The following NDST3 variants were observed in gnomAD, a reference collection of about 807,000 sequenced individuals.
NDST3 encodes bifunctional heparan sulfate N-deacetylase/N-sulfotransferase 3.
In NDST3, 58 loss-of-function variants were observed where a neutral mutation model predicts 96.1. That is an observed-to-expected ratio of 0.60 (90% CI 0.49 to 0.75). The LOEUF (loss-of-function observed/expected upper bound fraction) is 0.75, where lower values mean the gene tolerates loss of function less well. Ranked by LOEUF, NDST3 falls within the 30% of genes least tolerant of loss-of-function variation. The probability of loss-of-function intolerance (pLI) is 0.00; values close to 1 mark genes in which losing one functional copy is unlikely to be tolerated. For synonymous variants in NDST3, 333 were observed against 359.7 expected, an observed-to-expected ratio of 0.93 and a Z score of 0.84; for missense variants, 788 against 1,034.2, an observed-to-expected ratio of 0.76 and a Z score of 3.27.
intron 6 of NDST3, among the ~76,000 whole-genome samples, chr4:118,183,014 C>CCAAA (rs759383568): frequency 5.3e-5 from 8 of 152,094 alleles, no homozygotes; most frequent in Non-Finnish European, 8.8e-5. Flanking sequence ...ACTACTCATA[C>CCAAA]CAAACAAACA....
intron 6 of NDST3, among the ~76,000 whole-genome samples, chr4:118,197,771 GT>G (rs1317556659): frequency 4.2e-5 from 6 of 141,804 alleles, no homozygotes; most frequent in African/African-American, 1.5e-4. Context: ...GGTGTGTTTT[GT>G]TTTGTTTTTT....
chr4:118,221,992 T>TAA (rs200927146), intron 6 of NDST3, among the ~76,000 whole-genome samples: 3 of 142,012 alleles, frequency 2.1e-5, no homozygotes, highest in Non-Finnish European at 4.6e-5. Context: ...ATTTTCCATC[T>TAA]AAAAAAAAAA....
chr4:118,074,432 G>C (rs546319465), intron 2 of NDST3, among the ~76,000 whole-genome samples: 1 of 152,112 alleles, frequency 6.6e-6, no homozygotes, highest in Non-Finnish European at 1.5e-5. Context: ...GTGCTCTACT[G>C]TTAGATGCAA....
At chr4:118,109,021 C>A (rs747916230) in intron 3 of NDST3, among the ~76,000 whole-genome samples, 8 of 152,102 alleles carry the variant, frequency 5.3e-5, no homozygotes, top group Non-Finnish European at 8.8e-5. Flanking sequence ...AGTTCTTCTA[C>A]CTTGGCAATA....
In NDST3 at chr4:118,144,790, T is replaced by C. The variant is rs917816404; in HGVS notation, c.1539+1106T>C. Among the ~76,000 whole-genome samples, 4 of 152,206 alleles carry C rather than the reference T, an allele frequency of 2.6e-5. No homozygotes were observed. The East Asian group carries it at 7.7e-4, about 29-fold the overall frequency. ...TGAAAAAAGTTGGATAGGGATAAAT[T>C]GAATAAAATTTGCAAAACCCCTCTC... On this transcript the variant is annotated intron_variant, in intron 6 of 13. Coordinates refer to ENST00000296499, the MANE Select transcript of NDST3 (RefSeq NM_004784.3).
At chr4:118,254,774 A>C (rs920768647) in intron 13 of NDST3, among the ~76,000 whole-genome samples, 3 of 152,196 alleles carry the variant, frequency 2.0e-5, no homozygotes, top group African/African-American at 7.2e-5. Context: ...AGGTGGGCTA[A>C]ACTTATTAGA....
At chr4:118,253,642 T>C in intron 13 of NDST3, 41 bp downstream of exon 13, 1 of 1,327,156 alleles carries the variant, frequency 7.5e-7, no homozygotes. Flanking sequence ...ATCAGCAAAA[T>C]GGTAACCAAT....
intron 12 of NDST3, among the ~76,000 whole-genome samples, chr4:118,245,137 G>C (rs1215685828): frequency 6.6e-6 from 1 of 152,108 alleles, no homozygotes; most frequent in Non-Finnish European, 1.5e-5. Flanking sequence ...GCATGGAATT[G>C]TACTAATTTG....
intron 5 of NDST3, among the ~76,000 whole-genome samples, chr4:118,142,380 C>A (rs894552439): frequency 2.0e-5 from 3 of 151,104 alleles, no homozygotes; most frequent in Non-Finnish European, 4.4e-5. Flanking sequence ...TATTATATAA[C>A]CAGTATTATA....
intron 5 of NDST3, among the ~76,000 whole-genome samples, chr4:118,141,434 G>A (rs4834666): frequency 6.6e-6 from 1 of 152,024 alleles, no homozygotes; most frequent in Non-Finnish European, 1.5e-5. Context: ...ACTGACTCCC[G>A]CTAGGGCTCT....
intron 2 of NDST3, among the ~76,000 whole-genome samples, chr4:118,086,148 A>G (rs1384041744): frequency 6.6e-6 from 1 of 152,162 alleles, no homozygotes; most frequent in Non-Finnish European, 1.5e-5. Flanking sequence ...TTTCAAACCC[A>G]TAAATCTTCT....
At chr4:118,223,605 T>A (rs1362778133) in intron 6 of NDST3, among the ~76,000 whole-genome samples, 1 of 152,110 alleles carries the variant, frequency 6.6e-6, no homozygotes, top group African/African-American at 2.4e-5. Flanking sequence ...TACATTTTTC[T>A]TATTTATTGT....
At chr4:118,171,459 C>T (rs1219935092) in intron 6 of NDST3, among the ~76,000 whole-genome samples, 1 of 152,178 alleles carries the variant, frequency 6.6e-6, no homozygotes, top group African/African-American at 2.4e-5. Flanking sequence ...CCTATCATAA[C>T]TCAGTAGGTT....
chr4:118,042,789 A>G (rs1192718015), intron 1 of NDST3, among the ~76,000 whole-genome samples: 1 of 152,226 alleles, frequency 6.6e-6, no homozygotes, highest in Non-Finnish European at 1.5e-5. Flanking sequence ...ATCCAAACCC[A>G]GTGCATCATG....
chr4:118,189,689 A>G (rs1001866978), intron 6 of NDST3, among the ~76,000 whole-genome samples: 19 of 149,556 alleles, frequency 1.3e-4, no homozygotes, highest in African/African-American at 4.4e-4. Context: ...ACGACCTAAG[A>G]AAGATAGCCT....
At chr4:118,249,537 A>AC (rs1741521985) in intron 12 of NDST3, among the ~76,000 whole-genome samples, 1 of 152,182 alleles carries the variant, frequency 6.6e-6, no homozygotes, top group African/African-American at 2.4e-5. Flanking sequence ...CAGCATGAAA[A>AC]CATAAAATGT....
At chr4:118,081,981 T>C (rs1728060095) in intron 2 of NDST3, among the ~76,000 whole-genome samples, 1 of 152,190 alleles carries the variant, frequency 6.6e-6, no homozygotes, top group Admixed American at 6.5e-5. Flanking sequence ...TTCAGCACAA[T>C]GTACCTGCCT....
chr4:118,054,512 T>C lies in NDST3; in HGVS notation c.602T>C (p.Leu201Ser), dbSNP rs1326619708. Residue 201 changes from leucine to serine, a missense_variant, in exon 2 of 14, where the codon TTG becomes TCG. This residue lies in a region of NDST3 where 234 missense variants were observed against 256.9 expected (regional missense o/e 0.91). Coordinates refer to ENST00000296499, the MANE Select transcript of NDST3 (RefSeq NM_004784.3). Reference protein sequence around the residue: ...KDCCINPHSPLIRVTKSSKLE... With the variant: ...KDCCINPHSPSIRVTKSSKLE... ...TGTTGTATTAATCCTCATTCTCCATTGATTCGTGTGACCAAATCTTCCAAG... is the reference window on the plus strand; with the variant it reads ...TGTTGTATTAATCCTCATTCTCCATCGATTCGTGTGACCAAATCTTCCAAG... 1 of 1,613,212 alleles carries C rather than the reference T, an allele frequency of 6.2e-7. No homozygotes were observed. Among genetic ancestry groups the C allele is most frequent in the Non-Finnish European group, 8.5e-7 (1 of 1,179,484 alleles).
Position 118,226,895 on chromosome 4 carries a change from G to C in NDST3, c.1732G>C (p.Asp578His). 1 of 1,610,682 alleles carries C rather than the reference G, an allele frequency of 6.2e-7. No homozygotes were observed. Among genetic ancestry groups the C allele is most frequent in the Non-Finnish European group, 8.5e-7 (1 of 1,178,746 alleles). The change falls in exon 8 of 14, where the codon GAT becomes CAT. Residue 578 changes from aspartate to histidine, a missense_variant. Asp to His is a moderately conservative substitution (Grantham distance 81). Around this residue, in one of 3 missense-constraint regions of NDST3, gnomAD observed 490 missense variants for 708.8 expected, o/e 0.69. Transcript: ENST00000296499. ...TTCTTCTCCCATTTAGAATCCTTGC[G>C]ATGACAAACGCCACAGAGACATTTG... ...QKDPLWQNPC[D>H]DKRHRDIWSK...
Sources: gnomAD v4.1 joint callset for allele counts (sites outside exome capture counted in the v4.1 genomes callset) on GRCh38, gnomAD v4.1.1 for gene constraint, gnomAD v4.1.1 regional missense constraint, MANE v1.5 for transcripts, NCBI Gene and HGNC (gene_info 2026-07-23, HGNC 2026-07-21) for gene names.